The following NLGN4X variants were observed in gnomAD, a reference collection of about 807,000 sequenced individuals.
The protein encoded by NLGN4X is neuroligin 4 X-linked.
NLGN4X carries 3 observed loss-of-function variants against 40.3 expected under a neutral mutation model. That is an observed-to-expected ratio of 0.07 (90% CI 0.03 to 0.19). NLGN4X has a LOEUF of 0.19. NLGN4X is among the 10% of genes least tolerant of loss of function. The pLI is 1.00. For synonymous variants in NLGN4X, 270 were observed against 306.8 expected (o/e 0.88, Z 1.25); for missense variants, 382 against 708.3 (o/e 0.54, Z 5.23).
chrX:6,096,446 G>C (rs1320518552), intron 2 of NLGN4X, among the ~76,000 whole-genome samples: 1 of 111,341 alleles, frequency 9.0e-6, no homozygotes, highest in Non-Finnish European at 1.9e-5. Context: ...TAATGTGATA[G>C]CCTCAAGATT....
chrX:5,987,382 A>G (rs982448308), intron 3 of NLGN4X, among the ~76,000 whole-genome samples: 1 of 112,782 alleles, frequency 8.9e-6, no homozygotes, highest in African/African-American at 3.2e-5. Context: ...AGGAGATAGA[A>G]TGGGAAAAGA....
chrX:6,151,568 C>G lies in NLGN4X; in HGVS notation c.-102G>C. 1 of 676,483 alleles carries G rather than the reference C, an allele frequency of 1.5e-6. No homozygotes were observed. Among genetic ancestry groups the G allele is most frequent in the South Asian group, 2.3e-5 (1 of 43,476 alleles). 55.7% of individuals were successfully genotyped at this position (676,483 alleles called of 1,213,427 possible). A position where few individuals can be genotyped will look rare whatever the true frequency, so the allele number is the denominator to read the frequency against. On this transcript the variant is annotated 5_prime_UTR_variant, in exon 2 of 6. Transcript: ENST00000381095. ...CAGAGAGATAGGGCTTTCCAGGGAG[C>G]AGTAGACCTGGGAGAGACTCTCAGA...
chrX:6,119,439 T>G (rs1245617650), intron 2 of NLGN4X, among the ~76,000 whole-genome samples: 2 of 111,729 alleles, frequency 1.8e-5, no homozygotes, highest in African/African-American at 6.5e-5. Flanking sequence ...TGCAAAAAGC[T>G]CAAAATAACC....
At chrX:6,220,211 A>G (rs1280365482) in intron 1 of NLGN4X, among the ~76,000 whole-genome samples, 1 of 111,498 alleles carries the variant, frequency 9.0e-6, no homozygotes, top group Non-Finnish European at 1.9e-5. Flanking sequence ...CCCTCACACA[A>G]TTTATTTTTC....
intron 3 of NLGN4X, among the ~76,000 whole-genome samples, chrX:5,965,704 G>C (rs1359202101): frequency 9.0e-6 from 1 of 111,673 alleles, no homozygotes; most frequent in Non-Finnish European, 1.9e-5. Flanking sequence ...ATTCTCATTG[G>C]ATAAGAGATA....
intron 2 of NLGN4X, among the ~76,000 whole-genome samples, chrX:6,123,979 C>T (rs982948197): frequency 1.8e-5 from 2 of 109,549 alleles, no homozygotes; most frequent in Non-Finnish European, 3.8e-5. Context: ...ATACTTTTAG[C>T]AACATATTGT....
intron 3 of NLGN4X, among the ~76,000 whole-genome samples, chrX:5,980,475 C>CTTT (rs1266350117): frequency 1.1e-5 from 1 of 91,589 alleles, no homozygotes; most frequent in South Asian, 4.8e-4. Context: ...CAAAATTTTT[C>CTTT]TTTTTTTTTT....
chrX:6,186,074 G>A (rs1921984821), intron 1 of NLGN4X, among the ~76,000 whole-genome samples: 1 of 112,478 alleles, frequency 8.9e-6, no homozygotes. Context: ...TAATGCTAAT[G>A]TATTACATAT....
chrX:6,028,924 A>G (rs905516482), intron 3 of NLGN4X, among the ~76,000 whole-genome samples: 7 of 112,298 alleles, frequency 6.2e-5, no homozygotes, highest in African/African-American at 2.3e-4. Flanking sequence ...TCAGAAAAGA[A>G]AGCTAAGATC....
chrX:6,157,832 A>G (rs1049933540), intron 1 of NLGN4X, among the ~76,000 whole-genome samples: 1 of 111,367 alleles, frequency 9.0e-6, no homozygotes, highest in African/African-American at 3.3e-5. Context: ...GGGATTCTGG[A>G]AAGACACAAG....
At chrX:5,910,837 G>A (rs767259916) in intron 3 of NLGN4X, among the ~76,000 whole-genome samples, 2 of 111,728 alleles carry the variant, frequency 1.8e-5, no homozygotes, top group East Asian at 2.8e-4. Context: ...TCGCAACTGC[G>A]AGGTTGGATA....
At chrX:6,181,840 T>A (rs1921486374) in intron 1 of NLGN4X, among the ~76,000 whole-genome samples, 1 of 112,187 alleles carries the variant, frequency 8.9e-6, no homozygotes, top group Non-Finnish European at 1.9e-5. Flanking sequence ...TAACGTAAGA[T>A]ATTTCCTGTA....
At chrX:6,140,448 TCACACACAGA>T (rs2039920978) in intron 2 of NLGN4X, among the ~76,000 whole-genome samples, 1 of 70,115 alleles carries the variant, frequency 1.4e-5, no homozygotes, top group South Asian at 6.7e-4. Context: ...TCAATAGCAT[TCACACACAGA>T]CACACACACA....
intron 2 of NLGN4X, among the ~76,000 whole-genome samples, chrX:6,130,849 T>C (rs1442983441): frequency 8.9e-6 from 1 of 112,118 alleles, no homozygotes; most frequent in African/African-American, 3.2e-5. Context: ...AGGTTCTTTT[T>C]ATGGTGCATT....
intron 2 of NLGN4X, among the ~76,000 whole-genome samples, chrX:6,047,428 ATCATGCTAC>A (rs751118070): frequency 6.3e-5 from 7 of 111,751 alleles, no homozygotes; most frequent in Admixed American, 9.5e-5. Context: ...GCGAGCTACG[ATCATGCTAC>A]TGCACTCCAA....
chrX:5,975,479 G>C (rs1002245441), intron 3 of NLGN4X, among the ~76,000 whole-genome samples: 4 of 109,584 alleles, frequency 3.7e-5, no homozygotes, highest in African/African-American at 1.3e-4. Flanking sequence ...CAGGCATAGT[G>C]GTGGGTGCCT....
intron 2 of NLGN4X, among the ~76,000 whole-genome samples, chrX:6,050,597 C>T (rs759160604): frequency 6.2e-4 from 55 of 88,616 alleles, no homozygotes; most frequent in Middle Eastern, 0.011. Context: ...TATCATTTAT[C>T]TATCCATCTC....
chrX:5,904,009 T>A (rs2032048904), intron 4 of NLGN4X, 143 bp from the exon 5 acceptor site: 1 of 726,622 alleles, frequency 1.4e-6, no homozygotes, highest in Non-Finnish European at 2.1e-6. Flanking sequence ...GGGGCCCTTT[T>A]ACCCATTTTC....
intron 3 of NLGN4X, among the ~76,000 whole-genome samples, chrX:5,928,994 T>C (rs1274131707): frequency 9.1e-6 from 1 of 110,416 alleles, no homozygotes; most frequent in Non-Finnish European, 1.9e-5. Flanking sequence ...GAAAGACTCA[T>C]TTTGGTTTTA....
Sources: allele counts gnomAD v4.1 joint callset (sites outside exome capture counted in the v4.1 genomes callset), GRCh38; gene constraint gnomAD v4.1.1; transcripts MANE v1.5; gene names NCBI Gene and HGNC (gene_info 2026-07-23, HGNC 2026-07-21).